Variants in CHL1 observed in about 807,000 individuals in gnomAD.
The protein encoded by CHL1 is neural cell adhesion molecule L1-like protein.
In CHL1, 96 loss-of-function variants were observed where a neutral mutation model predicts 141.9. That is an observed-to-expected ratio of 0.68 (90% CI 0.57 to 0.80). CHL1 has a LOEUF of 0.80. CHL1 is among the 30% of genes least tolerant of loss of function. CHL1 has a pLI of 0.00. For missense variants in CHL1, 1,820 were observed against 1,457.2 expected, an observed-to-expected ratio of 1.25 and a Z score of -4.05; for synonymous variants, 613 against 502.2, an observed-to-expected ratio of 1.22 and a Z score of -2.95.
chr3:389,356 C>T lies in CHL1; in HGVS notation c.2352C>T (p.His784=). The T allele has an allele frequency of 1.9e-6, 3 of 1,614,192 alleles. No homozygotes were observed. Among genetic ancestry groups the T allele is most frequent in the Non-Finnish European group, 2.5e-6 (3 of 1,180,024 alleles). ...VEWEEETVTN[H]TLRVMTPAVY... ...GGGAAGAAGAAACAGTCACAAACCA[C>T]ACATTGCGGGTGATGACGCCTGCTG... Residue 784 remains histidine, a synonymous_variant, in exon 20 of 28, where the codon CAC becomes CAT. Coordinates refer to ENST00000256509, the MANE Select transcript of CHL1 (RefSeq NM_006614.4).
At chr3:297,082 C>T (rs1223498846) in intron 2 of CHL1, among the ~76,000 whole-genome samples, 1 of 151,926 alleles carries the variant, frequency 6.6e-6, no homozygotes, top group Middle Eastern at 3.2e-3. Context: ...GAGAGATAGC[C>T]AGGCATGGTG....
intron 1 of CHL1, among the ~76,000 whole-genome samples, chr3:241,568 A>C (rs1574829670): frequency 6.9e-6 from 1 of 144,594 alleles, no homozygotes; most frequent in Non-Finnish European, 1.5e-5. Flanking sequence ...TTCTCCTTCC[A>C]GTATACTTCT....
At chr3:210,716 A>G (rs1189486010) in intron 1 of CHL1, among the ~76,000 whole-genome samples, 1 of 152,238 alleles carries the variant, frequency 6.6e-6, no homozygotes, top group Non-Finnish European at 1.5e-5. Flanking sequence ...TATTAAACCC[A>G]TTGTGATACA....
At chr3:320,110 A>G (rs778780227) in intron 3 of CHL1, among the ~76,000 whole-genome samples, 1 of 152,046 alleles carries the variant, frequency 6.6e-6, no homozygotes, top group Non-Finnish European at 1.5e-5. Context: ...TAACAAGAAT[A>G]GTAACCTATA....
rs567606269 is a variant in CHL1 at position 346,916 on chromosome 3, C to T, written c.848+2207C>T. On this transcript the variant is annotated intron_variant, in intron 9 of 27. Transcript: ENST00000256509. ...GGTCTTTGAAAACTAGTCTAATTGT[C>T]TAATACATTTTACTTGAAAGAATAA... 4.7e-4 allele frequency among the ~76,000 whole-genome samples: 72 copies of T among 152,070 alleles called. 1 individual carries two copies. The highest frequency in any genetic ancestry group is 8.7e-4 in the Non-Finnish European group (59 of 68,030).
At chr3:372,373 T>A (rs754312578) in intron 15 of CHL1, among the ~76,000 whole-genome samples, 5 of 152,110 alleles carry the variant, frequency 3.3e-5, no homozygotes, top group African/African-American at 1.2e-4. Flanking sequence ...CAAAATCTCA[T>A]GTCCTTTCTT....
rs765071122 is a variant in CHL1 at position 342,047 on chromosome 3, T to C, written c.644T>C (p.Val215Ala). ...FAAFPRLRTI[V>A]QKMPMKLTVN... is the part of the protein sequence containing the mutation. ...GCATTTCCAAGATTAAGGACTATTGTACAGAAAATGCCAATGAAACTAACA... is the reference window on the plus strand; with the variant it reads ...GCATTTCCAAGATTAAGGACTATTGCACAGAAAATGCCAATGAAACTAACA... The change falls in exon 7 of 28, where the codon GTA (valine) becomes GCA (alanine). Residue 215 changes from valine to alanine, a missense_variant. Transcript: ENST00000256509. 3 of 1,613,036 alleles carry C rather than the reference T, an allele frequency of 1.9e-6. No individual in the cohort carries two copies. In the South Asian group the frequency reaches 3.3e-5, roughly 18 times the overall value.
chr3:323,104 A>C (rs4685586), intron 3 of CHL1, among the ~76,000 whole-genome samples: 20,876 of 151,936 alleles, frequency 0.14, 1,698 homozygotes, highest in African/African-American at 0.21. Flanking sequence ...GCTGGACATC[A>C]TCTTTACTTT....
chr3:248,247 T>C (rs1402873983), intron 2 of CHL1: 1 of 152,120 alleles, frequency 6.6e-6, no homozygotes, highest in Non-Finnish European at 1.5e-5. Flanking sequence ...ATAAATTTGA[T>C]TTCCAAGGCA....
chr3:231,328 A>G (rs1168544960), intron 1 of CHL1, among the ~76,000 whole-genome samples: 1 of 151,902 alleles, frequency 6.6e-6, no homozygotes, highest in African/African-American at 2.4e-5. Flanking sequence ...TTACGTTAAC[A>G]CCACCACCCT....
intron 2 of CHL1, among the ~76,000 whole-genome samples, chr3:261,502 T>C (rs34280780): frequency 1.3e-5 from 2 of 152,076 alleles, no homozygotes; most frequent in Admixed American, 6.5e-5. Context: ...AATCATATTC[T>C]ATCTTTAAAT....
chr3:331,158 C>T (rs1701405648), intron 5 of CHL1, among the ~76,000 whole-genome samples: 1 of 152,116 alleles, frequency 6.6e-6, no homozygotes, highest in Non-Finnish European at 1.5e-5. Context: ...TCACCAGGGT[C>T]ATTAATACAG....
At chr3:265,125 A>G (rs916610064) in intron 2 of CHL1, among the ~76,000 whole-genome samples, 2 of 152,206 alleles carry the variant, frequency 1.3e-5, no homozygotes, top group African/African-American at 4.8e-5. Flanking sequence ...TTATTTTCAT[A>G]GGATATGTTA....
intron 19 of CHL1, 82 bp downstream of exon 19, chr3:383,968 C>G (rs1195320236): frequency 2.4e-6 from 2 of 848,366 alleles, no homozygotes; most frequent in African/African-American, 3.4e-5. Flanking sequence ...AATGATAGCA[C>G]AACATTTTTT....
intron 15 of CHL1, among the ~76,000 whole-genome samples, chr3:375,814 G>A (rs1166482662): frequency 6.6e-6 from 1 of 152,042 alleles, no homozygotes; most frequent in African/African-American, 2.4e-5. Context: ...GTTCAAGGTT[G>A]TACAAATAAT....
intron 2 of CHL1, among the ~76,000 whole-genome samples, chr3:302,560 G>C (rs755381377): frequency 2.0e-5 from 3 of 152,118 alleles, no homozygotes; most frequent in African/African-American, 7.2e-5. Context: ...AGAAATGTCT[G>C]TTCATATCCT....
At chr3:197,979 CT>C (rs1322010610) in intron 1 of CHL1, 2 of 365,852 alleles carry the variant, frequency 5.5e-6, no homozygotes, top group Non-Finnish European at 5.5e-6. Context: ...AAGCCAGCCC[CT>C]CCGTTCCCAC....
chr3:213,797 G>C (rs138608233), intron 1 of CHL1: 5 of 152,212 alleles, frequency 3.3e-5, no homozygotes, highest in African/African-American at 1.2e-4. Context: ...TTTCTCTGAA[G>C]CAAAATAAGT....
At chr3:260,330 A>T (rs1694598596) in intron 2 of CHL1, among the ~76,000 whole-genome samples, 1 of 152,184 alleles carries the variant, frequency 6.6e-6, no homozygotes, top group Admixed American at 6.5e-5. Flanking sequence ...TTCTTAAAGG[A>T]AAACATAAGT....
Sources: allele counts gnomAD v4.1 joint callset (sites outside exome capture counted in the v4.1 genomes callset), GRCh38; gene constraint gnomAD v4.1.1; transcripts MANE v1.5; gene names NCBI Gene and HGNC (gene_info 2026-07-23, HGNC 2026-07-21).